The following KIAA1586 variants were observed in gnomAD, a reference collection of about 807,000 sequenced individuals.
KIAA1586 encodes the protein E3 SUMO-protein ligase KIAA1586.
Under a neutral mutation model 6.1 loss-of-function variants are expected in KIAA1586, and 5 were observed. The ratio of observed to expected loss-of-function variants is 0.82; its 90% confidence interval spans 0.43 to 1.73. The LOEUF (loss-of-function observed/expected upper bound fraction) is 1.73, where lower values mean the gene tolerates loss of function less well. KIAA1586 is among the 40% of genes most tolerant of loss of function. KIAA1586 has a pLI of 0.02. For synonymous variants in KIAA1586, 280 were observed against 301.7 expected, an observed-to-expected ratio of 0.93 and a Z score of 0.75; for missense variants, 899 against 878.2, an observed-to-expected ratio of 1.02 and a Z score of -0.30.
At chr6:57,056,215 ATTT>A (rs958004294), downstream of KIAA1586, among the ~76,000 whole-genome samples, 3 of 140,554 alleles carry the variant, frequency 2.1e-5, no homozygotes, top group Non-Finnish European at 4.7e-5. Flanking sequence ...CGCCTGCCTA[ATTT>A]TTTTTTTTTG....
chr6:57,058,742 A>G (rs950709979), downstream of KIAA1586, among the ~76,000 whole-genome samples: 3 of 152,210 alleles, frequency 2.0e-5, no homozygotes, highest in Admixed American at 1.3e-4. Context: ...ACGAGTCAGT[A>G]TGCTTGAAGT....
chr6:57,058,736 G>A (rs1025537156), downstream of KIAA1586, among the ~76,000 whole-genome samples: 3 of 152,062 alleles, frequency 2.0e-5, no homozygotes, highest in Non-Finnish European at 4.4e-5. Flanking sequence ...TCTAACACGA[G>A]TCAGTATGCT....
chr6:57,053,368 G>T lies in KIAA1586; in HGVS notation c.869G>T (p.Arg290Ile), dbSNP rs776071044. Residue 290 changes from arginine (R) to isoleucine (I), a missense_variant, in exon 4 of 4, where the codon AGA becomes ATA. Coordinates refer to ENST00000370733, the MANE Select transcript of KIAA1586 (RefSeq NM_020931.4). ...NCLNTRYSAT[R>I]IAEHIAKEMK... ...TTAAATACACGTTACAGTGCAACAA[G>T]AATAGCAGAACATATTGCAAAAGAA... The T allele has an allele frequency of 6.2e-7, 1 of 1,611,394 alleles. No individual in the cohort carries two copies. The highest frequency in any genetic ancestry group is 1.1e-5 in the South Asian group (1 of 90,616).
chr6:57,062,585 A>C, the KIAA1586 span, among the ~76,000 whole-genome samples: 2 of 152,194 alleles, frequency 1.3e-5, no homozygotes, highest in East Asian at 3.9e-4. Flanking sequence ...ATGGCCAGCA[A>C]TAGTTTAACT....
At chr6:57,051,453 C>T (rs1323044540) in intron 3 of KIAA1586, among the ~76,000 whole-genome samples, 2 of 151,590 alleles carry the variant, frequency 1.3e-5, no homozygotes, top group African/African-American at 4.9e-5. Context: ...TAGTGTCCTG[C>T]TGCAGTATTG....
chr6:57,050,819 G>A lies in KIAA1586; in HGVS notation c.151G>A (p.Gly51Ser), dbSNP rs1367644032. 3 of 1,613,452 alleles carry A rather than the reference G, an allele frequency of 1.9e-6. No individual in the cohort carries two copies. Among genetic ancestry groups the A allele is most frequent in the Non-Finnish European group, 2.5e-6 (3 of 1,179,614 alleles). ...TCTTGAATACATCGATCTGGTCTGT[G>A]GTGATGATGAAAACCCTAGCGCCTA... ...PVLEYIDLVCGDDENPSAYYS... is the reference protein window; with the variant it reads ...PVLEYIDLVCSDDENPSAYYS... The change falls in exon 3 of 4, where the codon GGT (glycine) becomes AGT (serine). Residue 51 changes from glycine (G) to serine (S), a missense_variant. Transcript: ENST00000370733.
chr6:57,055,071 A>G lies in KIAA1586; in HGVS notation c.*208A>G, dbSNP rs549766172. On this transcript the variant is annotated 3_prime_UTR_variant, in exon 4 of 4. Coordinates refer to ENST00000370733, the MANE Select transcript of KIAA1586 (RefSeq NM_020931.4). ...GCCCATGTTTGCTAGAGTGGGTCAT[A>G]ATACATATTCCATGAAGTTCTGTAC... 842 of 466,504 alleles carry G rather than the reference A, an allele frequency of 1.8e-3. 3 individuals carry two copies. Among genetic ancestry groups the G allele is most frequent in the South Asian group, 3.5e-3 (101 of 28,702 alleles). The allele number at this position is 466,504 out of a possible 1,614,324, so 28.9% of individuals were successfully genotyped here. A position where few individuals can be genotyped will look rare whatever the true frequency, so the allele number is the denominator to read the frequency against.
chr6:57,063,833 C>T, the KIAA1586 span, among the ~76,000 whole-genome samples: 29 of 152,258 alleles, frequency 1.9e-4, no homozygotes, highest in East Asian at 3.1e-3. Context: ...GATACAAAAA[C>T]AACTTACAAA....
At chr6:57,058,142 A>G (rs531483501), downstream of KIAA1586, among the ~76,000 whole-genome samples, 1 of 152,156 alleles carries the variant, frequency 6.6e-6, no homozygotes, top group Non-Finnish European at 1.5e-5. Context: ...TTTCAGCTAG[A>G]TGAGAAAAAA....
chr6:57,052,819 A>T lies in KIAA1586; in HGVS notation c.320A>T (p.His107Leu), dbSNP rs1245324696. 6.2e-7 allele frequency: 1 copy of T among 1,613,796 alleles called. No individual in the cohort carries two copies. The highest frequency in any genetic ancestry group is 1.1e-5 in the South Asian group (1 of 91,022). The change falls in exon 4 of 4, where the codon CAT (histidine) becomes CTT (leucine). Residue 107 changes from histidine (H) to leucine (L), a missense_variant. Transcript: ENST00000370733. ...AGATTGTCTAAGGCAAAGGAACCAC[A>T]TTTCGAGTATATTGAACAACCAATC... Reference protein sequence around the residue: ...HCRLSKAKEPHFEYIEQPIIE... With the variant: ...HCRLSKAKEPLFEYIEQPIIE...
At chr6:57,048,791 A>G (rs769157935) in intron 2 of KIAA1586, among the ~76,000 whole-genome samples, 12 of 152,302 alleles carry the variant, frequency 7.9e-5, no homozygotes, top group Non-Finnish European at 1.3e-4. Context: ...TGTGCCATTG[A>G]GAAAGTATGT....
At chr6:57,051,066 AC>A (rs1308781362) in intron 3 of KIAA1586, among the ~76,000 whole-genome samples, 1 of 151,148 alleles carries the variant, frequency 6.6e-6, no homozygotes, top group Non-Finnish European at 1.5e-5. Flanking sequence ...CCCCATCTCT[AC>A]TAAAAATACA....
At chr6:57,065,384 A>G in the KIAA1586 span, among the ~76,000 whole-genome samples, 3 of 151,910 alleles carry the variant, frequency 2.0e-5, no homozygotes, top group Non-Finnish European at 4.4e-5. Flanking sequence ...TGCAACTCTG[A>G]TTCTCATTTT....
chr6:57,050,719 A>T, intron 2 of KIAA1586, 55 bp from the exon 3 acceptor site: 2 of 1,232,296 alleles, frequency 1.6e-6, no homozygotes, highest in Non-Finnish European at 2.4e-6. Flanking sequence ...TGTTAAATTT[A>T]AGTTTAATTG....
chr6:57,048,161 T>C (rs1593046346), intron 2 of KIAA1586, among the ~76,000 whole-genome samples: 1 of 151,944 alleles, frequency 6.6e-6, no homozygotes, highest in African/African-American at 2.4e-5. Flanking sequence ...TGTTGGAGTT[T>C]TAGAAAGGCT....
the KIAA1586 span, among the ~76,000 whole-genome samples, chr6:57,060,334 A>G: frequency 6.6e-6 from 1 of 152,154 alleles, no homozygotes; most frequent in African/African-American, 2.4e-5. Flanking sequence ...TCAGAAAGTC[A>G]AAAGCTTTGC....
chr6:57,048,145 C>T (rs1828230885), intron 2 of KIAA1586, among the ~76,000 whole-genome samples: 1 of 151,404 alleles, frequency 6.6e-6, no homozygotes, highest in Non-Finnish European at 1.5e-5. Context: ...GATTTTCATC[C>T]ATAATTGTTG....
the KIAA1586 span, among the ~76,000 whole-genome samples, chr6:57,066,203 C>T: frequency 6.6e-6 from 1 of 151,836 alleles, no homozygotes; most frequent in South Asian, 2.1e-4. Context: ...TGCTTGAACC[C>T]AGGAGATGGA....
downstream of KIAA1586, among the ~76,000 whole-genome samples, chr6:57,057,967 G>A (rs989357803): frequency 2.0e-5 from 3 of 151,920 alleles, no homozygotes; most frequent in African/African-American, 7.3e-5. Flanking sequence ...GCTAGTTTTT[G>A]TATTTTTGGT....
Sources: gnomAD v4.1 joint callset for allele counts (sites outside exome capture counted in the v4.1 genomes callset) on GRCh38, gnomAD v4.1.1 for gene constraint, MANE v1.5 for transcripts, NCBI Gene and HGNC (gene_info 2026-07-23, HGNC 2026-07-21) for gene names.